The following ADGRL4 variants were observed in gnomAD, a reference collection of about 807,000 sequenced individuals.
The protein encoded by ADGRL4 is EGF, latrophilin and seven transmembrane domain containing 1.
In ADGRL4, 90 loss-of-function variants were observed where a neutral mutation model predicts 74.8. The observed-to-expected ratio is 1.20, with a 90% CI of 1.02 to 1.43. The LOEUF (loss-of-function observed/expected upper bound fraction) is 1.43, where lower values mean the gene tolerates loss of function less well. Among genes scored for constraint, ADGRL4 ranks in the 40% most tolerant of loss-of-function variants. ADGRL4 has a pLI of 0.00. For missense variants in ADGRL4, 881 were observed against 814.3 expected (o/e 1.08, Z -1.00); for synonymous variants, 311 against 279.2 (o/e 1.11, Z -1.14).
chr1:78,988,111 G>C (rs1355165317), intron 2 of ADGRL4, among the ~76,000 whole-genome samples: 2 of 151,602 alleles, frequency 1.3e-5, no homozygotes, highest in Admixed American at 1.3e-4. Flanking sequence ...ATAACCTACT[G>C]TTTTCTTGGC....
intron 2 of ADGRL4, among the ~76,000 whole-genome samples, chr1:79,003,459 T>A (rs1032278415): frequency 4.0e-5 from 6 of 151,834 alleles, no homozygotes; most frequent in Non-Finnish European, 8.8e-5. Flanking sequence ...CCATTACAAA[T>A]TATGTTCTGT....
At chr1:78,976,631 A>G (rs1185634768) in intron 2 of ADGRL4, among the ~76,000 whole-genome samples, 1 of 151,738 alleles carries the variant, frequency 6.6e-6, no homozygotes, top group Non-Finnish European at 1.5e-5. Flanking sequence ...AAAACTTAAA[A>G]TATTTACTTT....
At chr1:78,977,929 A>T (rs551615084) in intron 2 of ADGRL4, among the ~76,000 whole-genome samples, 3 of 152,084 alleles carry the variant, frequency 2.0e-5, no homozygotes, top group African/African-American at 7.2e-5. Flanking sequence ...ACCAGAAAAG[A>T]CATCCAGTAA....
At chr1:78,903,056 G>T (rs112336547) in intron 12 of ADGRL4, among the ~76,000 whole-genome samples, 1 of 151,984 alleles carries the variant, frequency 6.6e-6, no homozygotes. Flanking sequence ...ATTTTCCCAC[G>T]GAAAAATTAA....
chr1:78,974,354 G>A (rs1361306679), intron 2 of ADGRL4, among the ~76,000 whole-genome samples: 1 of 151,960 alleles, frequency 6.6e-6, no homozygotes, highest in Non-Finnish European at 1.5e-5. Context: ...CAAACGAATT[G>A]TCTCATTTTG....
At chr1:78,992,372 A>G (rs570526327) in intron 2 of ADGRL4, among the ~76,000 whole-genome samples, 3 of 152,088 alleles carry the variant, frequency 2.0e-5, no homozygotes, top group Non-Finnish European at 4.4e-5. Context: ...TCATGTTAAT[A>G]TGGAAAACAG....
intron 8 of ADGRL4, among the ~76,000 whole-genome samples, chr1:78,925,194 A>G (rs532174934): frequency 6.6e-5 from 10 of 152,132 alleles, no homozygotes; most frequent in African/African-American, 2.2e-4. Context: ...TGGACTCTGG[A>G]GGAAGGCTGC....
chr1:78,915,481 G>A (rs757132144), intron 12 of ADGRL4, among the ~76,000 whole-genome samples: 4 of 151,816 alleles, frequency 2.6e-5, no homozygotes, highest in African/African-American at 2.4e-5. Context: ...GTCTTCAGGG[G>A]ATAGGGAAAC....
At chr1:78,911,142 A>T (rs560726889) in intron 12 of ADGRL4, among the ~76,000 whole-genome samples, 29 of 151,860 alleles carry the variant, frequency 1.9e-4, no homozygotes, top group Non-Finnish European at 3.7e-4. Context: ...ATTCATAAAA[A>T]TAAGCAAATA....
At chr1:78,983,230 C>A (rs551901128) in intron 2 of ADGRL4, among the ~76,000 whole-genome samples, 17 of 151,904 alleles carry the variant, frequency 1.1e-4, no homozygotes, top group Admixed American at 1.1e-3. Context: ...AAGCTACACA[C>A]ACAGACACAC....
intron 2 of ADGRL4, among the ~76,000 whole-genome samples, chr1:78,949,995 G>T (rs1557509512): frequency 6.6e-6 from 1 of 152,078 alleles, no homozygotes; most frequent in East Asian, 1.9e-4. Flanking sequence ...TAACTTTAAG[G>T]TATCCATAGC....
At position 78,939,187 on chromosome 1, in the gene ADGRL4, C is replaced by G; in HGVS notation, c.396+1G>C. The G allele has an allele frequency of 4.5e-6, 7 of 1,559,584 alleles. No individual in the cohort carries two copies. Among genetic ancestry groups the G allele is most frequent in the Non-Finnish European group, 6.0e-6 (7 of 1,157,262 alleles). On this transcript the variant is annotated splice_donor_variant, in intron 4 of 14. Coordinates refer to ENST00000370742, the MANE Select transcript of ADGRL4 (RefSeq NM_022159.4). LOFTEE classifies it high-confidence loss of function. ...AATAAATTGTTAACTGTTCTACTTA[C>G]TTTTGTTAAAGTTTTATTAATATTT... is the stretch of plus-strand genomic sequence containing the variant.
chr1:78,926,862 A>G, intron 8 of ADGRL4, 24 bp downstream of exon 8: 4 of 1,557,324 alleles, frequency 2.6e-6, no homozygotes, highest in Non-Finnish European at 3.5e-6. Flanking sequence ...ATCATAGCCA[A>G]TAACTACCAG....
chr1:78,920,478 A>G (rs1648974881), intron 9 of ADGRL4, 92 bp from the exon 10 acceptor site: 1 of 717,236 alleles, frequency 1.4e-6, no homozygotes, highest in Admixed American at 3.3e-5. Context: ...TTTTTGGTGA[A>G]ACATTAATCA....
chr1:78,930,168 G>A (rs1014321619), intron 7 of ADGRL4, among the ~76,000 whole-genome samples: 2 of 151,206 alleles, frequency 1.3e-5, no homozygotes, highest in Admixed American at 6.6e-5. Flanking sequence ...GTGTGTTGAG[G>A]TATATAGTTT....
chr1:78,934,139 A>G (rs1464366512), intron 7 of ADGRL4, among the ~76,000 whole-genome samples: 1 of 152,196 alleles, frequency 6.6e-6, no homozygotes, highest in East Asian at 1.9e-4. Flanking sequence ...CAAAAAGAAC[A>G]AAGTTGGAGG....
intron 1 of ADGRL4, among the ~76,000 whole-genome samples, 194 bp downstream of exon 1, chr1:79,006,439 C>G (rs943546818): frequency 6.6e-6 from 1 of 152,198 alleles, no homozygotes; most frequent in African/African-American, 2.4e-5. Flanking sequence ...GTAACATTCC[C>G]TGGACCTTGG....
At position 78,938,120 on chromosome 1, in the gene ADGRL4, G is replaced by A. The variant is rs754785225; in HGVS notation, c.556C>T (p.Leu186Phe). Residue 186 changes from leucine (L) to phenylalanine (F), a missense_variant, in exon 5 of 15, where the codon CTT becomes TTT. Coordinates refer to ENST00000370742, the MANE Select transcript of ADGRL4 (RefSeq NM_022159.4). ...KNNTISAKDT[L>F]SNSTLTEFVK... ...CTTACAGTAAGAGTTGAGTTAGAAA[G>A]GGTGTCCTTGGCTGAGATAGTGTTG... 1.9e-6 allele frequency: 3 copies of A among 1,612,842 alleles called. No homozygotes were observed. Among genetic ancestry groups the A allele is most frequent in the South Asian group, 2.2e-5 (2 of 90,672 alleles).
At chr1:78,991,042 T>C (rs1650598979) in intron 2 of ADGRL4, among the ~76,000 whole-genome samples, 2 of 152,070 alleles carry the variant, frequency 1.3e-5, no homozygotes, top group Non-Finnish European at 2.9e-5. Context: ...TGCCGGTACA[T>C]GTCAACTTTA....
Sources: gnomAD v4.1 joint callset for allele counts (sites outside exome capture counted in the v4.1 genomes callset) on GRCh38, gnomAD v4.1.1 for gene constraint, MANE v1.5 for transcripts, NCBI Gene and HGNC (gene_info 2026-07-23, HGNC 2026-07-21) for gene names.